Variants in RAPGEF1 observed in about 807,000 individuals in gnomAD.
RAPGEF1 encodes the protein Rap guanine nucleotide exchange factor 1, also known as CRK SH3-binding GNRP.
In RAPGEF1, 33 loss-of-function variants were observed where a neutral mutation model predicts 143.3. The observed-to-expected ratio is 0.23, with a 90% CI of 0.17 to 0.31. The LOEUF is 0.31. Ranked by LOEUF, RAPGEF1 falls within the 10% of genes least tolerant of loss-of-function variation. RAPGEF1 has a pLI of 1.00. For synonymous variants in RAPGEF1, 629 were observed against 676.5 expected (o/e 0.93, Z 1.09); for missense variants, 1,199 against 1,645.4 (o/e 0.73, Z 4.69).
chr9:131,654,344 A>C (rs1423387079), intron 1 of RAPGEF1, among the ~76,000 whole-genome samples: 2 of 151,918 alleles, frequency 1.3e-5, no homozygotes, highest in Admixed American at 6.6e-5. Flanking sequence ...CCTTCATCTC[A>C]GCATTATTAC....
intron 4 of RAPGEF1, among the ~76,000 whole-genome samples, chr9:131,640,153 T>C (rs745511122): frequency 9.2e-5 from 14 of 152,364 alleles, no homozygotes; most frequent in Non-Finnish European, 1.8e-4. Context: ...ACAAAGACCC[T>C]GCAGTCTCTC....
chr9:131,727,368 CAG>C (rs1279631748), intron 1 of RAPGEF1, among the ~76,000 whole-genome samples: 1 of 152,186 alleles, frequency 6.6e-6, no homozygotes, highest in African/African-American at 2.4e-5. Context: ...ACAAGGTCCA[CAG>C]AGTTTCCATC....
intron 1 of RAPGEF1, among the ~76,000 whole-genome samples, chr9:131,735,333 C>T (rs1173022144): frequency 6.6e-6 from 1 of 152,222 alleles, no homozygotes; most frequent in Non-Finnish European, 1.5e-5. Context: ...TGCCTGTGCC[C>T]AGCTAAGTGG....
At chr9:131,737,496 T>C in intron 1 of RAPGEF1, 1 of 1,613,450 alleles carries the variant, frequency 6.2e-7, no homozygotes, top group Non-Finnish European at 8.5e-7. Context: ...GAGCAGGCAC[T>C]TTCATCTACA....
intron 1 of RAPGEF1, among the ~76,000 whole-genome samples, chr9:131,674,296 C>A (rs892837972): frequency 1.2e-4 from 18 of 152,164 alleles, no homozygotes; most frequent in Admixed American, 1.2e-3. Context: ...TGGGGCTTAC[C>A]GCTTTCAACA....
intron 9 of RAPGEF1, among the ~76,000 whole-genome samples, chr9:131,627,097 C>T (rs1963366760): frequency 6.6e-6 from 1 of 151,580 alleles, no homozygotes; most frequent in Non-Finnish European, 1.5e-5. Flanking sequence ...ACCTGTAATC[C>T]CAGCTGCTTG....
chr9:131,644,464 G>A (rs148573088), intron 3 of RAPGEF1, among the ~76,000 whole-genome samples: 27 of 151,922 alleles, frequency 1.8e-4, no homozygotes, highest in African/African-American at 6.3e-4. Flanking sequence ...TCAAGTAGTC[G>A]ATTACATGTC....
intron 1 of RAPGEF1, among the ~76,000 whole-genome samples, chr9:131,709,232 A>G (rs1835326952): frequency 6.6e-6 from 1 of 152,158 alleles, no homozygotes. Context: ...CTGTAATCCT[A>G]GCAACTCAGG....
At chr9:131,638,258 C>A (rs1316592371) in intron 5 of RAPGEF1, among the ~76,000 whole-genome samples, 1 of 152,212 alleles carries the variant, frequency 6.6e-6, no homozygotes, top group East Asian at 1.9e-4. Context: ...TACCAAGAAT[C>A]CTAGAAGCTC....
At chr9:131,588,208 C>T (rs1490903355) in intron 20 of RAPGEF1, among the ~76,000 whole-genome samples, 182 bp from the exon 21 acceptor site, 2 of 152,216 alleles carry the variant, frequency 1.3e-5, no homozygotes, top group Non-Finnish European at 2.9e-5. Context: ...TGCCTCTCTC[C>T]GGGACGACAC....
chr9:131,627,865 A>G, intron 9 of RAPGEF1, 48 bp downstream of exon 9: 1 of 1,543,650 alleles, frequency 6.5e-7, no homozygotes, highest in Non-Finnish European at 8.7e-7. Flanking sequence ...TAATGGCCCC[A>G]GAGAAGCCAC....
chr9:131,643,862 G>A (rs1042078780), intron 3 of RAPGEF1, among the ~76,000 whole-genome samples: 1 of 152,150 alleles, frequency 6.6e-6, no homozygotes, highest in Non-Finnish European at 1.5e-5. Flanking sequence ...GAAAGACTGT[G>A]TAAGACTGGT....
At chr9:131,617,359 C>T (rs1312488291) in intron 12 of RAPGEF1, among the ~76,000 whole-genome samples, 2 of 152,216 alleles carry the variant, frequency 1.3e-5, no homozygotes. Context: ...AGTAGGGATG[C>T]TGGGGGCTCT....
chr9:131,631,413 C>A (rs1564576536), intron 5 of RAPGEF1, among the ~76,000 whole-genome samples: 1 of 152,228 alleles, frequency 6.6e-6, no homozygotes, highest in Non-Finnish European at 1.5e-5. Flanking sequence ...CCGAGCTCAG[C>A]GTCAACAGCT....
chr9:131,640,783 G>A (rs887307177), intron 4 of RAPGEF1, among the ~76,000 whole-genome samples: 3 of 152,142 alleles, frequency 2.0e-5, no homozygotes, highest in African/African-American at 7.2e-5. Context: ...AACGAGAAAG[G>A]ACCTTCCAGC....
intron 1 of RAPGEF1, among the ~76,000 whole-genome samples, chr9:131,697,080 A>G (rs945303966): frequency 6.6e-5 from 10 of 152,232 alleles, no homozygotes; most frequent in African/African-American, 2.2e-4. Flanking sequence ...AGCAAACTAC[A>G]TAAAAAAATA....
Position 131,737,417 on chromosome 9 carries a change from C to G in RAPGEF1, c.61+2353G>C, listed in dbSNP as rs181997017. ...ACCCCTCTCTCACCTGTGTCCATGG[C>G]AGCACGGTCGCTCGGTCTGGCAGCC... On this transcript the variant is annotated intron_variant, in intron 1 of 26. Transcript: ENST00000683357. 314 of 1,613,888 alleles carry G rather than the reference C, an allele frequency of 1.9e-4. 1 individual carries two copies. The East Asian group carries it at 6.1e-3, about 32-fold the overall frequency.
intron 5 of RAPGEF1, among the ~76,000 whole-genome samples, chr9:131,632,597 T>A (rs781746032): frequency 7.9e-5 from 12 of 152,214 alleles, no homozygotes; most frequent in South Asian, 6.2e-4. Context: ...ATAATATGTA[T>A]CAATTACATA....
intron 4 of RAPGEF1, 95 bp from the exon 5 acceptor site, chr9:131,638,886 C>T (rs919214328): frequency 9.0e-6 from 12 of 1,331,620 alleles, no homozygotes; most frequent in African/African-American, 1.5e-5. Flanking sequence ...TGTGTTTCTC[C>T]AACTTTCTTT....
Sources: gnomAD v4.1 joint callset for allele counts (sites outside exome capture counted in the v4.1 genomes callset) on GRCh38, gnomAD v4.1.1 for gene constraint, MANE v1.5 for transcripts, NCBI Gene and HGNC (gene_info 2026-07-23, HGNC 2026-07-21) for gene names.